DPP10: variants seen among roughly 807,000 people sequenced by gnomAD.
DPP10 encodes inactive dipeptidyl peptidase 10.
Under a neutral mutation model 120.9 loss-of-function variants are expected in DPP10, and 33 were observed. That is an observed-to-expected ratio of 0.27 (90% CI 0.21 to 0.37). DPP10 has a LOEUF of 0.37. DPP10 is among the 10% of genes least tolerant of loss of function. The pLI is 1.00. For missense variants in DPP10, 816 were observed against 942.8 expected (o/e 0.87, Z 1.76); for synonymous variants, 337 against 326.1 (o/e 1.03, Z -0.36).
At chr2:114,492,506 C>T (rs986044) in intron 1 of DPP10, among the ~76,000 whole-genome samples, 2,164 of 152,088 alleles carry the variant, frequency 0.014, 49 homozygotes, top group African/African-American at 0.05. Flanking sequence ...ATGCAATGGG[C>T]ATTATTTAAC....
chr2:115,125,353 T>C (rs1034120281), intron 1 of DPP10, among the ~76,000 whole-genome samples: 33 of 152,164 alleles, frequency 2.2e-4, no homozygotes, highest in Non-Finnish European at 8.8e-5. Flanking sequence ...AAATTAAGGA[T>C]AGAAACTTGG....
At chr2:115,112,797 A>G (rs1406302629) in intron 1 of DPP10, among the ~76,000 whole-genome samples, 1 of 152,166 alleles carries the variant, frequency 6.6e-6, no homozygotes, top group East Asian at 1.9e-4. Context: ...TGGCGACTAT[A>G]GTTAATAATT....
intron 1 of DPP10, among the ~76,000 whole-genome samples, chr2:115,203,344 C>T (rs1442436453): frequency 1.3e-5 from 2 of 152,182 alleles, no homozygotes; most frequent in East Asian, 1.9e-4. Context: ...ACTTTTCTCA[C>T]ATCTCCACTG....
At chr2:115,261,069 A>T (rs530895610) in intron 1 of DPP10, among the ~76,000 whole-genome samples, 1 of 152,186 alleles carries the variant, frequency 6.6e-6, no homozygotes, top group South Asian at 2.1e-4. Context: ...AATAAATTCA[A>T]ACCACCTTAG....
chr2:115,603,790 A>C (rs2083517771), intron 5 of DPP10, among the ~76,000 whole-genome samples: 1 of 152,070 alleles, frequency 6.6e-6, no homozygotes, highest in African/African-American at 2.4e-5. Context: ...GAGAAACACA[A>C]GAGTTTCTTT....
Position 115,826,968 on chromosome 2 carries a change from G to A in DPP10, c.1951-9189G>A, listed in dbSNP as rs1165935308. Reference sequence around the variant, plus strand: ...CTCTAGATTTTAAATAATGTATTTAGCTCTTTCACCTTTAATGTAATCATT... The same window carrying A: ...CTCTAGATTTTAAATAATGTATTTAACTCTTTCACCTTTAATGTAATCATT... On this transcript the variant is annotated intron_variant, in intron 21 of 25. Transcript: ENST00000410059. Among the ~76,000 whole-genome samples the A allele has an allele frequency of 5.3e-5, 8 of 151,930 alleles. No homozygotes were observed. The East Asian group carries it at 1.2e-3, about 22-fold the overall frequency.
chr2:115,826,523 C>T (rs1400317457), intron 21 of DPP10, among the ~76,000 whole-genome samples: 1 of 151,974 alleles, frequency 6.6e-6, no homozygotes, highest in Non-Finnish European at 1.5e-5. Flanking sequence ...GAGTTCGAGA[C>T]CAGCCTGGCC....
At chr2:115,254,937 G>A (rs777182071) in intron 1 of DPP10, among the ~76,000 whole-genome samples, 1 of 152,136 alleles carries the variant, frequency 6.6e-6, no homozygotes, top group Non-Finnish European at 1.5e-5. Flanking sequence ...GGCTTTACAG[G>A]TGCCCAGTTC....
intron 5 of DPP10, among the ~76,000 whole-genome samples, chr2:115,615,251 G>T (rs1288616763): frequency 1.3e-5 from 2 of 152,064 alleles, no homozygotes; most frequent in Non-Finnish European, 1.5e-5. Flanking sequence ...TAACCTTTGT[G>T]TCCATAGATT....
intron 1 of DPP10, among the ~76,000 whole-genome samples, chr2:114,506,740 G>C (rs558840052): frequency 2.3e-4 from 35 of 152,264 alleles, no homozygotes; most frequent in African/African-American, 8.4e-4. Flanking sequence ...CAAGCAAGTG[G>C]AGTCTGACCC....
At chr2:115,194,412 C>A (rs570243931) in intron 1 of DPP10, among the ~76,000 whole-genome samples, 1 of 152,082 alleles carries the variant, frequency 6.6e-6, no homozygotes, top group Admixed American at 6.6e-5. Context: ...CCAGCAGAGA[C>A]GGGATTTCTC....
intron 1 of DPP10, among the ~76,000 whole-genome samples, chr2:114,674,373 A>T (rs1698537909): frequency 6.6e-6 from 1 of 152,070 alleles, no homozygotes; most frequent in South Asian, 2.1e-4. Context: ...TCATCTAACC[A>T]TTCCTAATAT....
At chr2:114,733,396 A>T (rs1455286814) in intron 1 of DPP10, among the ~76,000 whole-genome samples, 1 of 152,172 alleles carries the variant, frequency 6.6e-6, no homozygotes, top group African/African-American at 2.4e-5. Flanking sequence ...TCTTTGTGCC[A>T]GGTCTAAATT....
chr2:114,443,171 A>G (rs540472937), intron 1 of DPP10, among the ~76,000 whole-genome samples: 1 of 152,274 alleles, frequency 6.6e-6, no homozygotes, highest in Admixed American at 6.5e-5. Flanking sequence ...GAATTTGCAA[A>G]CTGCTAGAAA....
rs183785648 is a variant in DPP10 at position 115,111,783 on chromosome 2, C to T, written c.61-197456C>T. On this transcript the variant is annotated intron_variant, in intron 1 of 25. Transcript: ENST00000410059. The stretch of plus-strand genomic sequence containing the variant: ...AGCAATCCTCAAGAGGTAGATTTCT[C>T]ACGAGATCCTTGAACATTTGGAAAA... Among the ~76,000 whole-genome samples, 204 of 152,328 alleles carry T rather than the reference C, an allele frequency of 1.3e-3. 2 individuals are homozygous for T. Among genetic ancestry groups the T allele is most frequent in the African/African-American group, 4.6e-3 (192 of 41,574 alleles).
At chr2:115,587,089 C>CTTTTTTTTTTT (rs756810925) in intron 5 of DPP10, among the ~76,000 whole-genome samples, 49 of 103,898 alleles carry the variant, frequency 4.7e-4, no homozygotes, top group East Asian at 1.6e-3. Flanking sequence ...TTTTCTCTTT[C>CTTTTTTTTTTT]TTTTTTTTTT....
chr2:115,205,629 G>A (rs1399610148), intron 1 of DPP10, among the ~76,000 whole-genome samples: 1 of 152,036 alleles, frequency 6.6e-6, no homozygotes, highest in South Asian at 2.1e-4. Context: ...AATTAACCTC[G>A]GTGCCCATCA....
chr2:115,788,277 T>A (rs1683562529), intron 17 of DPP10, among the ~76,000 whole-genome samples: 2 of 152,094 alleles, frequency 1.3e-5, no homozygotes, highest in South Asian at 2.1e-4. Flanking sequence ...TAGAAAGAAA[T>A]TTATGATTCT....
At chr2:115,503,731 A>T (rs1433518043) in intron 4 of DPP10, among the ~76,000 whole-genome samples, 2 of 152,112 alleles carry the variant, frequency 1.3e-5, no homozygotes, top group African/African-American at 4.8e-5. Flanking sequence ...TTTTGACAGT[A>T]TTGTTTCTTT....
Sources: allele counts gnomAD v4.1 joint callset (sites outside exome capture counted in the v4.1 genomes callset), GRCh38; gene constraint gnomAD v4.1.1; transcripts MANE v1.5; gene names NCBI Gene and HGNC (gene_info 2026-07-23, HGNC 2026-07-21).